The following RBFOX1 variants were observed in gnomAD, a reference collection of about 807,000 sequenced individuals.
RBFOX1 encodes RNA binding protein fox-1 homolog 1.
In RBFOX1, 8 loss-of-function variants were observed where a neutral mutation model predicts 57.7. That is an observed-to-expected ratio of 0.14 (90% CI 0.08 to 0.25). The LOEUF (loss-of-function observed/expected upper bound fraction) is 0.25, where lower values mean the gene tolerates loss of function less well. Ranked by LOEUF, RBFOX1 falls within the 10% of genes least tolerant of loss-of-function variation. RBFOX1 has a pLI of 1.00. For missense variants in RBFOX1, 611 were observed against 548.5 expected, an observed-to-expected ratio of 1.11 and a Z score of -1.14; for synonymous variants, 326 against 222.4, an observed-to-expected ratio of 1.47 and a Z score of -4.15.
chr16:6,209,780 G>A (rs1292942496), intron 1 of RBFOX1, among the ~76,000 whole-genome samples: 2 of 152,110 alleles, frequency 1.3e-5, no homozygotes, highest in Non-Finnish European at 2.9e-5. Flanking sequence ...TGATGTCTCA[G>A]GTTCTTCCAG....
intron 2 of RBFOX1, among the ~76,000 whole-genome samples, chr16:5,584,281 C>A (rs950677083): frequency 9.9e-5 from 15 of 152,228 alleles, no homozygotes; most frequent in Non-Finnish European, 2.1e-4. Context: ...GTGTCTCTTT[C>A]AGCAGCTCCC....
At chr16:7,072,887 G>A (rs540372194) in intron 4 of RBFOX1, among the ~76,000 whole-genome samples, 4 of 152,318 alleles carry the variant, frequency 2.6e-5, no homozygotes, top group African/African-American at 9.6e-5. Context: ...TTGGGGATGA[G>A]GAAGTAGCTG....
At chr16:7,150,068 C>T (rs531052989) in intron 4 of RBFOX1, among the ~76,000 whole-genome samples, 1 of 152,182 alleles carries the variant, frequency 6.6e-6, no homozygotes, top group Non-Finnish European at 1.5e-5. Flanking sequence ...AACCTCCTGC[C>T]CCAGCCAGGT....
At chr16:5,446,040 G>T (rs892539800) in intron 1 of RBFOX1, among the ~76,000 whole-genome samples, 4 of 152,176 alleles carry the variant, frequency 2.6e-5, no homozygotes, top group African/African-American at 9.7e-5. Flanking sequence ...AAATGGTCTT[G>T]GAAGTAAATT....
At chr16:6,578,788 AAATAT>A (rs1244812467) in intron 2 of RBFOX1, among the ~76,000 whole-genome samples, 5 of 152,128 alleles carry the variant, frequency 3.3e-5, no homozygotes, top group African/African-American at 1.2e-4. Flanking sequence ...TGTATTTATT[AAATAT>A]AATATAGATT....
intron 2 of RBFOX1, among the ~76,000 whole-genome samples, chr16:6,595,286 A>G (rs747370730): frequency 6.6e-6 from 1 of 152,174 alleles, no homozygotes; most frequent in Non-Finnish European, 1.5e-5. Context: ...TATTCTGGGT[A>G]TGTCATGTAA....
chr16:7,409,883 T>C (rs1336072284), intron 4 of RBFOX1, among the ~76,000 whole-genome samples: 4 of 152,034 alleles, frequency 2.6e-5, no homozygotes, highest in African/African-American at 9.7e-5. Flanking sequence ...TGTGGAAAAA[T>C]GGAGTTCCGG....
intron 1 of RBFOX1, among the ~76,000 whole-genome samples, chr16:5,460,475 T>C (rs2068755613): frequency 6.6e-6 from 1 of 152,146 alleles, no homozygotes; most frequent in Non-Finnish European, 1.5e-5. Flanking sequence ...GCACATCACA[T>C]AGATAAGTTT....
chr16:5,991,340 T>A (rs1235261933), intron 4 of RBFOX1, among the ~76,000 whole-genome samples: 1 of 152,184 alleles, frequency 6.6e-6, no homozygotes, highest in Non-Finnish European at 1.5e-5. Flanking sequence ...TCCTTTCCCT[T>A]GCAAACGGGT....
At chr16:6,381,061 G>T (rs542238223) in intron 2 of RBFOX1, among the ~76,000 whole-genome samples, 1 of 152,312 alleles carries the variant, frequency 6.6e-6, no homozygotes, top group East Asian at 1.9e-4. Context: ...GGAGATGCCT[G>T]TCAGTTTGGG....
chr16:7,706,204 AAAG>A (rs548720970), intron 14 of RBFOX1, among the ~76,000 whole-genome samples: 1 of 152,304 alleles, frequency 6.6e-6, no homozygotes, highest in Admixed American at 6.5e-5. Context: ...TAGCATTTGA[AAAG>A]AAGCCTCCTT....
chr16:5,891,027 A>T (rs12599101), intron 4 of RBFOX1, among the ~76,000 whole-genome samples: 41,777 of 152,020 alleles, frequency 0.27, 5,881 homozygotes, highest in South Asian at 0.43. Context: ...TTTGGTGAGA[A>T]GATGCGTGCA....
chr16:6,249,168 G>T (rs1338099285), intron 1 of RBFOX1, among the ~76,000 whole-genome samples: 2 of 152,108 alleles, frequency 1.3e-5, no homozygotes, highest in African/African-American at 4.8e-5. Flanking sequence ...TAGCATATGG[G>T]CAAAGATCAA....
intron 1 of RBFOX1, among the ~76,000 whole-genome samples, chr16:5,396,807 A>T (rs1390503568): frequency 2.0e-5 from 3 of 152,236 alleles, no homozygotes; most frequent in African/African-American, 7.2e-5. Context: ...GAAGCCAGCA[A>T]ACTCCAGCAG....
At chr16:5,359,397 C>T (rs1044750594) in intron 1 of RBFOX1, among the ~76,000 whole-genome samples, 1 of 152,196 alleles carries the variant, frequency 6.6e-6, no homozygotes, top group Non-Finnish European at 1.5e-5. Context: ...CCAAACTGTT[C>T]TCCTCAGTGG....
At chr16:7,696,841 T>G (rs2078954353) in intron 14 of RBFOX1, among the ~76,000 whole-genome samples, 1 of 152,126 alleles carries the variant, frequency 6.6e-6, no homozygotes, top group Admixed American at 6.6e-5. Flanking sequence ...AGCAGGGATC[T>G]AAATATAAAG....
rs570819570 is a variant in RBFOX1, at chr16:7,008,669, C to G, written c.-15-43388C>G. 5.1e-4 allele frequency among the ~76,000 whole-genome samples: 7 copies of G among 13,754 alleles called. 1 individual carries two copies. The highest frequency in any genetic ancestry group is 8.6e-4 in the Non-Finnish European group (7 of 8,164). The allele number at this position is 13,754 out of a possible 152,430, so 9.0% of individuals were successfully genotyped here. On this transcript the variant is annotated intron_variant, in intron 3 of 15. Transcript: ENST00000550418. Reference sequence around the variant, plus strand: ...TCCTTCCTCCTCCCTTCCTCCCTCCCTCCCTTCCTCCTCCCTTCCTCCCTC... The same window carrying G: ...TCCTTCCTCCTCCCTTCCTCCCTCCGTCCCTTCCTCCTCCCTTCCTCCCTC...
chr16:7,554,745 T>C (rs1159251678), intron 5 of RBFOX1, among the ~76,000 whole-genome samples: 1 of 151,834 alleles, frequency 6.6e-6, no homozygotes, highest in Non-Finnish European at 1.5e-5. Context: ...TGTGCACTCT[T>C]TTTTTCTTCT....
At chr16:6,391,598 A>T (rs908296379) in intron 2 of RBFOX1, among the ~76,000 whole-genome samples, 1 of 152,074 alleles carries the variant, frequency 6.6e-6, no homozygotes, top group African/African-American at 2.4e-5. Flanking sequence ...GGGTTGCAGG[A>T]AGGCAATGTG....
Sources: allele counts gnomAD v4.1 joint callset (sites outside exome capture counted in the v4.1 genomes callset), GRCh38; gene constraint gnomAD v4.1.1; transcripts MANE v1.5; gene names NCBI Gene and HGNC (gene_info 2026-07-23, HGNC 2026-07-21).